BICD1: variants seen among roughly 807,000 people sequenced by gnomAD.
BICD1 encodes protein bicaudal D homolog 1.
A neutral mutation model predicts 92.5 loss-of-function variants in BICD1; 35 were observed. The observed-to-expected ratio is 0.38, with a 90% CI of 0.29 to 0.50. The LOEUF (loss-of-function observed/expected upper bound fraction) is 0.50. Ranked by LOEUF, BICD1 falls within the 20% of genes least tolerant of loss-of-function variation. The pLI is 0.93. For missense variants in BICD1, 950 were observed against 1,189.8 expected (o/e 0.80, Z 2.97); for synonymous variants, 429 against 465.1 (o/e 0.92, Z 1.00).
At chr12:32,142,492 G>A (rs981022739) in intron 1 of BICD1, among the ~76,000 whole-genome samples, 3,939 of 91,468 alleles carry the variant, frequency 0.043, 75 homozygotes, top group Non-Finnish European at 0.062. Context: ...CTATCTATTG[G>A]TCTATCTATC....
At chr12:32,139,785 C>A (rs543628360) in intron 1 of BICD1, among the ~76,000 whole-genome samples, 2 of 152,258 alleles carry the variant, frequency 1.3e-5, no homozygotes, top group Admixed American at 6.5e-5. Context: ...GATGCTCAAA[C>A]CCCTGACCTC....
chr12:32,160,242 G>A (rs1036382000), intron 1 of BICD1, among the ~76,000 whole-genome samples: 1 of 152,116 alleles, frequency 6.6e-6, no homozygotes, highest in Non-Finnish European at 1.5e-5. Flanking sequence ...AGGCAGCCTC[G>A]GCTAATCCCT....
At chr12:32,187,022 C>T (rs1282997512) in intron 1 of BICD1, among the ~76,000 whole-genome samples, 1 of 152,126 alleles carries the variant, frequency 6.6e-6, no homozygotes, top group East Asian at 1.9e-4. Context: ...CTCTGGATCT[C>T]GGTTTCTTCT....
intron 1 of BICD1, among the ~76,000 whole-genome samples, chr12:32,125,133 GGC>G (rs1942283417): frequency 7.2e-6 from 1 of 139,446 alleles, no homozygotes; most frequent in Non-Finnish European, 1.6e-5. Flanking sequence ...CTTTGGTTTG[GGC>G]ACCCACTGTC....
intron 1 of BICD1, among the ~76,000 whole-genome samples, chr12:32,181,188 G>C (rs113451554): frequency 3.3e-5 from 5 of 151,766 alleles, no homozygotes; most frequent in African/African-American, 1.2e-4. Context: ...GGGAGGCCGA[G>C]GGGGGTGGAT....
intron 1 of BICD1, among the ~76,000 whole-genome samples, chr12:32,161,972 A>G (rs1458855106): frequency 6.6e-6 from 1 of 152,230 alleles, no homozygotes; most frequent in East Asian, 1.9e-4. Context: ...GAAACTGCAG[A>G]TACTTTCGCA....
At chr12:32,355,378 C>T (rs778954511) in intron 8 of BICD1, among the ~76,000 whole-genome samples, 3 of 152,112 alleles carry the variant, frequency 2.0e-5, no homozygotes, top group African/African-American at 7.2e-5. Flanking sequence ...CACATAAATT[C>T]CCTAGCAAAG....
chr12:32,341,960 T>A (rs1397103277), intron 8 of BICD1, among the ~76,000 whole-genome samples: 1 of 151,762 alleles, frequency 6.6e-6, no homozygotes, highest in African/African-American at 2.4e-5. Context: ...ATAAGAAATA[T>A]CATAAGCCCA....
At chr12:32,134,371 CTGTT>C (rs1942657307) in intron 1 of BICD1, among the ~76,000 whole-genome samples, 1 of 152,184 alleles carries the variant, frequency 6.6e-6, no homozygotes, top group South Asian at 2.1e-4. Context: ...AACAGAAACA[CTGTT>C]TGTAATGTGA....
intron 9 of BICD1, among the ~76,000 whole-genome samples, chr12:32,374,073 G>C (rs1939838094): frequency 6.6e-6 from 1 of 151,756 alleles, no homozygotes; most frequent in South Asian, 2.1e-4. Context: ...AATTAGCCAG[G>C]TGTGGTGGCG....
At chr12:32,136,213 C>T (rs545300867) in intron 1 of BICD1, among the ~76,000 whole-genome samples, 90 of 152,338 alleles carry the variant, frequency 5.9e-4, no homozygotes, top group African/African-American at 2.0e-3. Context: ...CAAGCACCTA[C>T]GTGGCATTTT....
intron 1 of BICD1, among the ~76,000 whole-genome samples, chr12:32,172,447 C>G (rs544028437): frequency 6.6e-6 from 1 of 152,304 alleles, no homozygotes; most frequent in Admixed American, 6.5e-5. Flanking sequence ...AAAAAGCCCT[C>G]CAGAGAAAAG....
At chr12:32,197,742 T>G (rs1441866996) in intron 1 of BICD1, among the ~76,000 whole-genome samples, 3 of 152,126 alleles carry the variant, frequency 2.0e-5, no homozygotes, top group African/African-American at 7.2e-5. Context: ...ATGATACAGA[T>G]CAGCAATACG....
chr12:32,320,512 C>A (rs904772838), intron 4 of BICD1, among the ~76,000 whole-genome samples: 1 of 152,000 alleles, frequency 6.6e-6, no homozygotes, highest in South Asian at 2.1e-4. Context: ...TGTGTTGGCA[C>A]GTGCCTGTAA....
intron 2 of BICD1, among the ~76,000 whole-genome samples, chr12:32,228,428 A>C (rs1418954599): frequency 4.6e-5 from 7 of 152,184 alleles, no homozygotes; most frequent in Admixed American, 4.6e-4. Flanking sequence ...ATGAAGTCAG[A>C]GAGGTAACAG....
At chr12:32,115,499 A>G (rs1055892988) in intron 1 of BICD1, among the ~76,000 whole-genome samples, 10 of 152,024 alleles carry the variant, frequency 6.6e-5, no homozygotes, top group African/African-American at 2.4e-4. Flanking sequence ...TTTACGAGAC[A>G]AAGCTGCATT....
At chr12:32,366,249 A>G (rs1939520588) in intron 8 of BICD1, among the ~76,000 whole-genome samples, 1 of 152,250 alleles carries the variant, frequency 6.6e-6, no homozygotes, top group South Asian at 2.1e-4. Flanking sequence ...GAAGACTTCA[A>G]ATGTAAATAT....
chr12:32,137,753 C>T (rs556352848), intron 1 of BICD1, among the ~76,000 whole-genome samples: 9 of 151,996 alleles, frequency 5.9e-5, no homozygotes, highest in African/African-American at 9.7e-5. Flanking sequence ...AGTTTTAATT[C>T]GGATTCCCTT....
chr12:32,285,939 A>G (rs186381280), intron 2 of BICD1, among the ~76,000 whole-genome samples: 107 of 152,364 alleles, frequency 7.0e-4, no homozygotes, highest in Non-Finnish European at 1.3e-3. Flanking sequence ...ACATGCCCCT[A>G]GAATATAATC....
Sources: allele counts gnomAD v4.1 joint callset (sites outside exome capture counted in the v4.1 genomes callset), GRCh38; gene constraint gnomAD v4.1.1; transcripts MANE v1.5; gene names NCBI Gene and HGNC (gene_info 2026-07-23, HGNC 2026-07-21).